Variants in NOTCH1 observed in about 807,000 individuals in gnomAD.
The protein encoded by NOTCH1 is neurogenic locus notch homolog protein 1.
NOTCH1 carries 37 observed loss-of-function variants against 254.8 expected under a neutral mutation model. The observed-to-expected ratio is 0.15, with a 90% CI of 0.11 to 0.19. NOTCH1 has a LOEUF of 0.19. Among genes scored for constraint, NOTCH1 ranks in the 10% least tolerant of loss-of-function variants. The pLI is 1.00. For missense variants in NOTCH1, 2,972 were observed against 3,708.6 expected, an observed-to-expected ratio of 0.80 and a Z score of 5.16; for synonymous variants, 1,731 against 1,618.1, an observed-to-expected ratio of 1.07 and a Z score of -1.68.
At position 136,518,215 on chromosome 9, in the gene NOTCH1, T is replaced by C; in HGVS notation, c.1177A>G (p.Asn393Asp). ...EGSNCDTNPVNGKAICTCPSG... is the reference protein window; with the variant it reads ...EGSNCDTNPVDGKAICTCPSG... The stretch of plus-strand genomic sequence containing the variant: ...GGGCAGGTGCAGATGGCCTTGCCAT[T>C]GACAGGGTTGGTGTCGCAGTTGGAG... The change falls in exon 7 of 34, where the codon AAT becomes GAT. Residue 393 changes from asparagine (N) to aspartate (D), a missense_variant. By Grantham distance (23) the Asn-to-Asp change is conservative (BLOSUM62 1). Transcript: ENST00000651671. 1 of 1,609,024 alleles carries C rather than the reference T, an allele frequency of 6.2e-7. No homozygotes were observed. Among genetic ancestry groups the C allele is most frequent in the Non-Finnish European group, 8.5e-7 (1 of 1,178,326 alleles).
chr9:136,545,130 G>A lies in NOTCH1; in HGVS notation c.61+596C>T, dbSNP rs899748060. 3.3e-5 allele frequency among the ~76,000 whole-genome samples: 5 copies of A among 152,060 alleles called. No individual in the cohort carries two copies. Among genetic ancestry groups the A allele is most frequent in the Non-Finnish European group, 7.4e-5 (5 of 67,984 alleles). ...CAAAAGGAAAGTTCAGTCCCCCCGG[G>A]CGCGGCGGCTTCTTACGCAACCCCT... On this transcript the variant is annotated intron_variant, in intron 1 of 33. Coordinates refer to ENST00000651671, the MANE Select transcript of NOTCH1 (RefSeq NM_017617.5). This position sits in a 1 kb window ranked among gnomAD's most constrained non-coding sequence, Gnocchi z 6.8.
At position 136,514,789 on chromosome 9, in the gene NOTCH1, G is replaced by A; in HGVS notation, c.2015-87C>T. ...CTCGATTTCCCTGTCTGTTGAGCCG[G>A]GGCGATCACCCTTCTGGCCACATCC... On this transcript the variant is annotated intron_variant, in intron 12 of 33. Coordinates refer to ENST00000651671, the MANE Select transcript of NOTCH1 (RefSeq NM_017617.5). The A allele has an allele frequency of 7.4e-6, 10 of 1,342,676 alleles. No individual in the cohort carries two copies. The South Asian group carries it at 1.2e-4, about 17-fold the overall frequency. 83.2% of individuals were successfully genotyped at this position (1,342,676 alleles called of 1,614,324 possible). A position where few individuals can be genotyped will look rare whatever the true frequency, so the allele number is the denominator to read the frequency against.
chr9:136,505,242 T>G, intron 25 of NOTCH1, 68 bp downstream of exon 25: 1 of 1,534,764 alleles, frequency 6.5e-7, no homozygotes, highest in Non-Finnish European at 8.8e-7. Context: ...CATGCTGGCC[T>G]CCGGGCCCAA....
intron 2 of NOTCH1, among the ~76,000 whole-genome samples, chr9:136,532,110 T>G (rs974700590): frequency 6.6e-6 from 1 of 152,068 alleles, no homozygotes; most frequent in Non-Finnish European, 1.5e-5. Context: ...TCCAGGCAGG[T>G]GCCTGCAGCC....
Position 136,505,848 on chromosome 9 carries a change from G to C in NOTCH1, c.4048C>G (p.Arg1350Gly), listed in dbSNP as rs1419950789. The change falls in exon 25 of 34, where the codon CGT becomes GGT. Residue 1350 changes from arginine (R) to glycine (G), a missense_variant. Transcript: ENST00000651671. ...FEGATCENDA[R>G]TCGSLRCLNG... Reference sequence around the variant, plus strand: ...AGGCAGCGCAGGCTGCCGCAGGTACGAGCGTCATTCTCACACGTGGCGCCC... The same window carrying C: ...AGGCAGCGCAGGCTGCCGCAGGTACCAGCGTCATTCTCACACGTGGCGCCC... 4.4e-6 allele frequency: 7 copies of C among 1,595,028 alleles called. No individual in the cohort carries two copies. The highest frequency in any genetic ancestry group is 5.1e-6 in the Non-Finnish European group (6 of 1,177,910).
At position 136,523,850 on chromosome 9, in the gene NOTCH1, G is replaced by C. The variant is rs903562826; in HGVS notation, c.270C>G (p.Ala90=). The part of the protein sequence containing the change: ...RGVADYACSC[A]LGFSGPLCLT... ...GGCAGAGGGGCCCAGAGAAGCCCAG[G>C]GCACAGCTGCAGGCATAGTCTGCCA... Residue 90 remains alanine, a synonymous_variant, in exon 3 of 34, where the codon GCC becomes GCG. Transcript: ENST00000651671. 4.3e-6 allele frequency: 7 copies of C among 1,611,798 alleles called. No individual in the cohort carries two copies. The highest frequency in any genetic ancestry group is 5.9e-6 in the Non-Finnish European group (7 of 1,179,688).
chr9:136,505,712 T>A lies in NOTCH1; in HGVS notation c.4184A>T (p.Asn1395Ile), dbSNP rs1221959299. ...ACAGGTCCCCTGGTTGTAGCAGGGG[T>A]TGCCGCCCAGGCAGGGGCTGCTGGC... ...FPASSPCLGGNPCYNQGTCEP... is the reference protein window; with the variant it reads ...FPASSPCLGGIPCYNQGTCEP... The change falls in exon 25 of 34, where the codon AAC (asparagine) becomes ATC (isoleucine). Residue 1395 changes from asparagine to isoleucine, a missense_variant. Transcript: ENST00000651671. 1.9e-6 allele frequency: 3 copies of A among 1,600,900 alleles called. No individual in the cohort carries two copies. The East Asian group carries it at 6.7e-5, about 36-fold the overall frequency.
At chr9:136,514,452 C>T (rs1470443064) in intron 13 of NOTCH1, 58 bp downstream of exon 13, 4 of 1,499,948 alleles carry the variant, frequency 2.7e-6, no homozygotes, top group Non-Finnish European at 1.8e-6. Context: ...ACCCTCCTGG[C>T]AGCAGAGCTC....
chr9:136,515,463 C>A lies in NOTCH1; in HGVS notation c.1903+20G>T, dbSNP rs2133363146. ...GCCCTGCCCACTGGCCCCCCGCCGG[C>A]CACCCGCCTGGCCGGCCACCTGTGG... On this transcript the variant is annotated intron_variant, in intron 11 of 33. Transcript: ENST00000651671. 2 of 1,611,506 alleles carry A rather than the reference C, an allele frequency of 1.2e-6. No individual in the cohort carries two copies. Among genetic ancestry groups the A allele is most frequent in the South Asian group, 1.1e-5 (1 of 91,026 alleles).
At position 136,502,530 on chromosome 9, in the gene NOTCH1, C is replaced by T. The variant is rs1364069368; in HGVS notation, c.5168-42G>A. The T allele has an allele frequency of 9.4e-6, 13 of 1,383,378 alleles. No individual in the cohort carries two copies. In the East Asian group the frequency reaches 2.8e-4, roughly 30 times the overall value. The allele number at this position is 1,383,378 out of a possible 1,614,324, so 85.7% of individuals were successfully genotyped here. A position where few individuals can be genotyped will look rare whatever the true frequency, so the allele number is the denominator to read the frequency against. On this transcript the variant is annotated intron_variant, in intron 27 of 33. Coordinates refer to ENST00000651671, the MANE Select transcript of NOTCH1 (RefSeq NM_017617.5). The stretch of plus-strand genomic sequence containing the variant: ...CAGGGGCAGGTGCCCGGACATCAGG[C>T]AGCGGCTACGCAGCAGGCTGGTGGC...
In NOTCH1 at chr9:136,496,858, A is replaced by G. The variant is rs1175514266; in HGVS notation, c.6881T>C (p.Leu2294Pro). ...GGTGGACCCGCCCACAGTGAAATTC[A>G]GGGCCCCTCCGCTGCTGGAGCCCAG... is the stretch of plus-strand genomic sequence containing the variant. ...TVLGSSSGGA[L>P]NFTVGGSTSL... Residue 2294 changes from leucine to proline, a missense_variant, in exon 34 of 34, where the codon CTG becomes CCG. This residue lies in a region of NOTCH1 where 529 missense variants were observed against 529.2 expected (regional missense o/e 1.00). Transcript: ENST00000651671. 5.0e-6 allele frequency: 8 copies of G among 1,612,762 alleles called. No homozygotes were observed. In the South Asian group the frequency reaches 8.8e-5, roughly 18 times the overall value.
At chr9:136,504,077 C>T (rs1843039893) in intron 26 of NOTCH1, among the ~76,000 whole-genome samples, 1 of 152,236 alleles carries the variant, frequency 6.6e-6, no homozygotes, top group Admixed American at 6.5e-5. Context: ...GGACCTCCAC[C>T]TGCCTCCTCT....
chr9:136,512,398 G>A (rs1421833314), intron 15 of NOTCH1, among the ~76,000 whole-genome samples: 2 of 152,192 alleles, frequency 1.3e-5, no homozygotes, highest in African/African-American at 4.8e-5. Context: ...CCAGGACCCC[G>A]GTGCTTGTGG....
chr9:136,499,396 G>T, intron 31 of NOTCH1, 137 bp from the exon 32 acceptor site: 1 of 1,326,346 alleles, frequency 7.5e-7, no homozygotes. Flanking sequence ...GCACGGCCGG[G>T]CAAGACGAAA....
chr9:136,533,931 C>G (rs1843601570), intron 2 of NOTCH1, among the ~76,000 whole-genome samples: 1 of 152,256 alleles, frequency 6.6e-6, no homozygotes, highest in Non-Finnish European at 1.5e-5. Flanking sequence ...CCAGGTCTCC[C>G]CGCCGTGGCT....
In NOTCH1 at chr9:136,494,597, G is replaced by GC; in HGVS notation, c.*1473dup. The GC allele has an allele frequency of 2.5e-6, 1 of 398,936 alleles. No individual in the cohort carries two copies. Among genetic ancestry groups the GC allele is most frequent in the Non-Finnish European group, 4.4e-6 (1 of 226,048 alleles). 24.7% of individuals were successfully genotyped at this position (398,936 alleles called of 1,614,324 possible). The stretch of plus-strand genomic sequence containing the variant: ...ACAGTAAAAATCAACATCTTGGGAC[G>GC]CATCTGGTCATGCCCCCTGGGGATG... On this transcript the variant is annotated 3_prime_UTR_variant, in exon 34 of 34. Transcript: ENST00000651671.
At chr9:136,508,792 G>A in intron 19 of NOTCH1, 78 bp downstream of exon 19, 2 of 1,399,528 alleles carry the variant, frequency 1.4e-6, no homozygotes, top group Non-Finnish European at 1.9e-6. Flanking sequence ...GGGACCTGGG[G>A]TGACCGTTCC....
intron 2 of NOTCH1, among the ~76,000 whole-genome samples, chr9:136,537,954 G>A (rs1477538256): frequency 6.6e-6 from 1 of 152,136 alleles, no homozygotes; most frequent in Non-Finnish European, 1.5e-5. Context: ...TTAGCTGGGA[G>A]TGGTGGTATG....
At chr9:136,537,706 G>A (rs1177607848) in intron 2 of NOTCH1, among the ~76,000 whole-genome samples, 2 of 152,290 alleles carry the variant, frequency 1.3e-5, no homozygotes, top group East Asian at 1.9e-4. Flanking sequence ...GGAGGCAGGA[G>A]GATCGCTTGA....
Sources: gnomAD v4.1 joint callset for allele counts (sites outside exome capture counted in the v4.1 genomes callset) on GRCh38, gnomAD v4.1.1 for gene constraint, gnomAD v4.1.1 regional missense constraint, Gnocchi (gnomAD v3.1) non-coding constraint, MANE v1.5 for transcripts, NCBI Gene and HGNC (gene_info 2026-07-23, HGNC 2026-07-21) for gene names.